STXBP5L: variants seen among roughly 807,000 people sequenced by gnomAD.
STXBP5L encodes the protein syntaxin-binding protein 5-like.
A neutral mutation model predicts 144.5 loss-of-function variants in STXBP5L; 65 were observed. The observed-to-expected ratio is 0.45, with a 90% CI of 0.37 to 0.55. The LOEUF is 0.55. Among genes scored for constraint, STXBP5L ranks in the 20% least tolerant of loss-of-function variants. The pLI, the probability that STXBP5L is intolerant of heterozygous loss-of-function variation, is 0.00. For synonymous variants in STXBP5L, 505 were observed against 469.6 expected (o/e 1.08, Z -0.97); for missense variants, 1,298 against 1,405.5 (o/e 0.92, Z 1.22).
At chr3:120,913,023 T>C (rs1708925467) in intron 2 of STXBP5L, among the ~76,000 whole-genome samples, 1 of 151,996 alleles carries the variant, frequency 6.6e-6, no homozygotes, top group African/African-American at 2.4e-5. Flanking sequence ...ATCACCTCTA[T>C]GAGACTAGCT....
At chr3:121,239,185 C>A in intron 13 of STXBP5L, 67 bp downstream of exon 13, 1 of 933,984 alleles carries the variant, frequency 1.1e-6, no homozygotes, top group Middle Eastern at 3.5e-4. Flanking sequence ...TTTTCCATTA[C>A]TTTATTTTCT....
At chr3:121,210,123 A>C (rs1159161171) in intron 10 of STXBP5L, among the ~76,000 whole-genome samples, 3 of 152,016 alleles carry the variant, frequency 2.0e-5, no homozygotes, top group Non-Finnish European at 4.4e-5. Context: ...AATGATCGCC[A>C]TTCTAACTGG....
At chr3:121,414,315 A>G (rs1474140301) in intron 24 of STXBP5L, among the ~76,000 whole-genome samples, 1 of 152,176 alleles carries the variant, frequency 6.6e-6, no homozygotes. Context: ...GGGGAGACAT[A>G]TAAGAAGGAC....
chr3:121,062,790 A>AT (rs2041348480), intron 5 of STXBP5L, among the ~76,000 whole-genome samples: 1 of 151,746 alleles, frequency 6.6e-6, no homozygotes, highest in African/African-American at 2.4e-5. Flanking sequence ...CTTCCGCCTG[A>AT]TTGATTTGTC....
intron 5 of STXBP5L, among the ~76,000 whole-genome samples, chr3:121,050,196 T>C (rs1004990087): frequency 6.6e-6 from 1 of 152,192 alleles, no homozygotes; most frequent in African/African-American, 2.4e-5. Flanking sequence ...AGAGTGGTGC[T>C]TATTACCCAC....
chr3:120,936,685 C>T lies in STXBP5L; in HGVS notation c.190-18255C>T, dbSNP rs375075410. On this transcript the variant is annotated intron_variant, in intron 2 of 26. Transcript: ENST00000471454. The stretch of plus-strand genomic sequence containing the variant: ...AGGGCAGTGGCGTGATCTCGGTTCA[C>T]CACAACCTCCACCTCCCGGGTTTAT... Among the ~76,000 whole-genome samples the T allele has an allele frequency of 2.6e-5, 4 of 152,066 alleles. No homozygotes were observed. In the East Asian group the frequency reaches 5.8e-4, roughly 22 times the overall value.
At chr3:120,989,751 A>G (rs1289305438) in intron 3 of STXBP5L, among the ~76,000 whole-genome samples, 1 of 152,082 alleles carries the variant, frequency 6.6e-6, no homozygotes, top group East Asian at 1.9e-4. Flanking sequence ...CCACTGGTGA[A>G]TTGATCCTTT....
intron 2 of STXBP5L, among the ~76,000 whole-genome samples, chr3:120,911,641 G>A (rs1341350677): frequency 6.6e-6 from 1 of 152,044 alleles, no homozygotes; most frequent in Non-Finnish European, 1.5e-5. Flanking sequence ...CGTGTTCATA[G>A]TAGAGCGAAT....
At position 121,003,045 on chromosome 3, in the gene STXBP5L, T is replaced by A. The variant is rs556904520; in HGVS notation, c.288-38655T>A. ...GTGCATGTGTCTTTATAGCAGCATG[T>A]TTTATAATCCTTTGGGTATATACCC... On this transcript the variant is annotated intron_variant, in intron 3 of 26. Coordinates refer to ENST00000471454, the MANE Select transcript of STXBP5L (RefSeq NM_001308330.2). 9.2e-5 allele frequency among the ~76,000 whole-genome samples: 14 copies of A among 152,158 alleles called. No individual in the cohort carries two copies. In the East Asian group the frequency reaches 2.3e-3, roughly 25 times the overall value.
Position 120,916,683 on chromosome 3 carries a change from A to G in STXBP5L, c.189+6916A>G, listed in dbSNP as rs533464324. 5.9e-3 allele frequency among the ~76,000 whole-genome samples: 906 copies of G among 152,366 alleles called. 3 individuals carry two copies. Among genetic ancestry groups the G allele is most frequent in the Middle Eastern group, 0.027 (8 of 292 alleles). The stretch of plus-strand genomic sequence containing the variant: ...CTTATTTGGACATGTAAATTTTATT[A>G]TAAATAAAACTGATCATTTTGGTGG... On this transcript the variant is annotated intron_variant, in intron 2 of 26. Transcript: ENST00000471454.
At chr3:121,266,632 T>A (rs1198941582) in intron 18 of STXBP5L, among the ~76,000 whole-genome samples, 1 of 152,110 alleles carries the variant, frequency 6.6e-6, no homozygotes, top group Non-Finnish European at 1.5e-5. Flanking sequence ...GCCAGGGCAA[T>A]CAGGCAAGAG....
intron 22 of STXBP5L, among the ~76,000 whole-genome samples, chr3:121,397,548 C>T (rs1346082220): frequency 6.6e-6 from 1 of 152,144 alleles, no homozygotes; most frequent in African/African-American, 2.4e-5. Flanking sequence ...CAATGGCCGC[C>T]ATCAAGAATG....
At chr3:121,281,379 A>G (rs1351203476) in intron 19 of STXBP5L, among the ~76,000 whole-genome samples, 1 of 152,028 alleles carries the variant, frequency 6.6e-6, no homozygotes, top group African/African-American at 2.4e-5. Context: ...CAAAATAACA[A>G]GCAACTGTAC....
intron 20 of STXBP5L, among the ~76,000 whole-genome samples, chr3:121,371,748 G>A (rs538024923): frequency 1.3e-5 from 2 of 152,238 alleles, no homozygotes; most frequent in African/African-American, 4.8e-5. Flanking sequence ...CATGCTGGTA[G>A]TGGTGGCCGC....
intron 1 of STXBP5L, among the ~76,000 whole-genome samples, chr3:120,908,861 A>G (rs1434790865): frequency 1.2e-4 from 2 of 16,046 alleles, no homozygotes; most frequent in Non-Finnish European, 2.4e-4. Context: ...GAGGGAGATG[A>G]GGGGGAGGTG....
At chr3:121,034,545 C>CT (rs1322001830) in intron 3 of STXBP5L, among the ~76,000 whole-genome samples, 18 of 149,808 alleles carry the variant, frequency 1.2e-4, no homozygotes, top group Admixed American at 2.7e-4. Flanking sequence ...ATCTATCTAT[C>CT]ATCTATCTAT....
At chr3:121,221,622 CTTA>C (rs909049892) in intron 10 of STXBP5L, among the ~76,000 whole-genome samples, 2 of 151,200 alleles carry the variant, frequency 1.3e-5, no homozygotes, top group African/African-American at 2.4e-5. Flanking sequence ...CTGGATAAAT[CTTA>C]TTAATAATAT....
intron 20 of STXBP5L, among the ~76,000 whole-genome samples, chr3:121,341,720 A>G (rs891670656): frequency 6.6e-6 from 1 of 152,110 alleles, no homozygotes; most frequent in Non-Finnish European, 1.5e-5. Flanking sequence ...TACAACATGA[A>G]TGGAACTGGG....
intron 3 of STXBP5L, among the ~76,000 whole-genome samples, chr3:120,977,751 ATCTC>A (rs1255114302): frequency 3.9e-5 from 6 of 152,030 alleles, no homozygotes. Context: ...TGGTGACAAA[ATCTC>A]TCAGCATTTG....
Sources: allele counts gnomAD v4.1 joint callset (sites outside exome capture counted in the v4.1 genomes callset), GRCh38; gene constraint gnomAD v4.1.1; transcripts MANE v1.5; gene names NCBI Gene and HGNC (gene_info 2026-07-23, HGNC 2026-07-21).